RNF220: variants seen among roughly 807,000 people sequenced by gnomAD.
RNF220 encodes the protein E3 ubiquitin-protein ligase RNF220.
In RNF220, 7 loss-of-function variants were observed where a neutral mutation model predicts 67.1. That is an observed-to-expected ratio of 0.10 (90% CI 0.06 to 0.20). The LOEUF (loss-of-function observed/expected upper bound fraction) is 0.20. Ranked by LOEUF, RNF220 falls within the 10% of genes least tolerant of loss-of-function variation. The pLI is 1.00. For synonymous variants in RNF220, 270 were observed against 283.2 expected (o/e 0.95, Z 0.47); for missense variants, 565 against 740.3 (o/e 0.76, Z 2.75).
intron 2 of RNF220, among the ~76,000 whole-genome samples, chr1:44,464,981 T>G (rs1654137497): frequency 6.6e-6 from 1 of 152,250 alleles, no homozygotes; most frequent in African/African-American, 2.4e-5. Flanking sequence ...TTCATTATAC[T>G]GAGAGTGTCT....
At chr1:44,568,378 G>A (rs1466621395) in intron 2 of RNF220, among the ~76,000 whole-genome samples, 4 of 152,188 alleles carry the variant, frequency 2.6e-5, no homozygotes, top group African/African-American at 9.7e-5. Context: ...TCTGTGCACC[G>A]ATGCTTGTCT....
chr1:44,452,510 C>T (rs962759816), intron 2 of RNF220, among the ~76,000 whole-genome samples: 12 of 152,120 alleles, frequency 7.9e-5, no homozygotes, highest in African/African-American at 1.4e-4. Flanking sequence ...GCCGAGATCG[C>T]GCCACTGCAC....
At chr1:44,594,121 C>A (rs1666303991) in intron 2 of RNF220, among the ~76,000 whole-genome samples, 2 of 152,026 alleles carry the variant, frequency 1.3e-5, no homozygotes, top group African/African-American at 2.4e-5. Context: ...TCTTATAGTC[C>A]AGCTTGAATA....
At chr1:44,597,468 GCACACACACACACA>G (rs56375404) in intron 2 of RNF220, among the ~76,000 whole-genome samples, 10,185 of 135,680 alleles carry the variant, frequency 0.075, 1,097 homozygotes, top group African/African-American at 0.24. Context: ...TCTCTCTCAT[GCACACACACACACA>G]CACACACACA....
chr1:44,536,263 A>C (rs1228545755), intron 2 of RNF220, among the ~76,000 whole-genome samples: 1 of 152,208 alleles, frequency 6.6e-6, no homozygotes, highest in African/African-American at 2.4e-5. Context: ...AACTCTTTGC[A>C]AGAACGACGC....
chr1:44,543,964 C>T (rs1661902412), intron 2 of RNF220, among the ~76,000 whole-genome samples: 1 of 152,178 alleles, frequency 6.6e-6, no homozygotes, highest in African/African-American at 2.4e-5. Flanking sequence ...GGTGAGAACT[C>T]TTGCATTATG....
intron 2 of RNF220, among the ~76,000 whole-genome samples, chr1:44,447,913 C>T (rs1321629714): frequency 7.9e-5 from 12 of 152,222 alleles, no homozygotes. Context: ...CTGTACACTC[C>T]TGGTAACAGC....
At chr1:44,577,998 G>A (rs1190820448) in intron 2 of RNF220, among the ~76,000 whole-genome samples, 1 of 151,180 alleles carries the variant, frequency 6.6e-6, no homozygotes, top group Non-Finnish European at 1.5e-5. Flanking sequence ...TAGAGACAGG[G>A]CCTCACCATG....
Position 44,405,410 on chromosome 1 carries a change from G to C in RNF220, c.-238G>C. On this transcript the variant is annotated 5_prime_UTR_variant, in exon 1 of 15. Transcript: ENST00000361799. ...TGCTGCTGCTGCCGCTGCCGCCGCCGCCGCCGCCGCTGCCTCCGCCGGCTC... is the reference window on the plus strand; with the variant it reads ...TGCTGCTGCTGCCGCTGCCGCCGCCCCCGCCGCCGCTGCCTCCGCCGGCTC... 1.6e-6 allele frequency: 1 copy of C among 633,776 alleles called. No homozygotes were observed. Among genetic ancestry groups the C allele is most frequent in the South Asian group, 1.7e-5 (1 of 60,300 alleles). 39.3% of individuals were successfully genotyped at this position (633,776 alleles called of 1,614,324 possible).
intron 2 of RNF220, among the ~76,000 whole-genome samples, chr1:44,561,474 A>T (rs2915538): frequency 1.3e-5 from 2 of 152,210 alleles, no homozygotes; most frequent in African/African-American, 4.8e-5. Context: ...GCGCCACTGC[A>T]CTCCAGCCTG....
rs1383738087 is a variant in RNF220 at position 44,417,460 on chromosome 1, T to TGGCTC, written c.625+4742_625+4746dup. Among the ~76,000 whole-genome samples, 1 of 152,182 alleles carries TGGCTC rather than the reference T, an allele frequency of 6.6e-6. No homozygotes were observed. Among genetic ancestry groups the TGGCTC allele is most frequent in the Non-Finnish European group, 1.5e-5 (1 of 68,036 alleles). ...CAGAGCCATCTGGCCTGGCTTGGCT[T>TGGCTC]GGCTCGGCGCGCCGCTCGCCTGGCG... is the stretch of plus-strand genomic sequence containing the variant. On this transcript the variant is annotated intron_variant, in intron 2 of 14. Coordinates refer to ENST00000361799, the MANE Select transcript of RNF220 (RefSeq NM_018150.4). This position sits in a 1 kb window ranked among gnomAD's most constrained non-coding sequence, Gnocchi z 4.0.
chr1:44,531,313 C>G (rs270746), intron 2 of RNF220, among the ~76,000 whole-genome samples: 146,927 of 152,336 alleles, frequency 0.96, 71,086 homozygotes, highest in Middle Eastern at 1. Context: ...GTCTGCTTTT[C>G]CATGATTCCA....
At chr1:44,431,073 GT>G (rs1650316830) in intron 2 of RNF220, among the ~76,000 whole-genome samples, 1 of 152,150 alleles carries the variant, frequency 6.6e-6, no homozygotes, top group African/African-American at 2.4e-5. Context: ...GACAAAATTA[GT>G]TTTCTTTTCT....
chr1:44,649,035 AG>A lies in RNF220; in HGVS notation c.1446-625del, dbSNP rs886472279. On this transcript the variant is annotated intron_variant, in intron 12 of 14. Transcript: ENST00000361799. The surrounding 1 kb of genome is among the most constrained non-coding windows in gnomAD (Gnocchi z 5.9). The stretch of plus-strand genomic sequence containing the variant: ...AGGCGAGGGGGTGCAGAGGGATCAC[AG>A]TGCAGAGGCCAAGGCAGTGAAAAAG... 1.9e-5 allele frequency: 3 copies of A among 157,432 alleles called. No homozygotes were observed. Among genetic ancestry groups the A allele is most frequent in the African/African-American group, 7.2e-5 (3 of 41,464 alleles). 9.8% of individuals were successfully genotyped at this position (157,432 alleles called of 1,614,324 possible). A position where few individuals can be genotyped will look rare whatever the true frequency, so the allele number is the denominator to read the frequency against.
intron 1 of RNF220, among the ~76,000 whole-genome samples, chr1:44,409,935 A>G (rs1402288336): frequency 1.3e-5 from 2 of 152,230 alleles, no homozygotes; most frequent in Non-Finnish European, 2.9e-5. Context: ...CATGGAGACC[A>G]ACGCCCACGC....
chr1:44,621,192 A>G lies in RNF220; in HGVS notation c.759-1550A>G, dbSNP rs1247579248. ...CGGCCTCACAAAGTGCTGGGATTAT[A>G]GGCGTGAGCCACTGCACCGGACCAT... is the stretch of plus-strand genomic sequence containing the variant. On this transcript the variant is annotated intron_variant, in intron 3 of 14. Coordinates refer to ENST00000361799, the MANE Select transcript of RNF220 (RefSeq NM_018150.4). The surrounding 1 kb of genome is among the most constrained non-coding windows in gnomAD (Gnocchi z 4.8). Among the ~76,000 whole-genome samples, 2 of 152,172 alleles carry G rather than the reference A, an allele frequency of 1.3e-5. No homozygotes were observed. Among genetic ancestry groups the G allele is most frequent in the Non-Finnish European group, 2.9e-5 (2 of 68,028 alleles).
intron 3 of RNF220, among the ~76,000 whole-genome samples, chr1:44,617,572 C>T (rs963317815): frequency 2.6e-5 from 4 of 152,246 alleles, no homozygotes; most frequent in Non-Finnish European, 5.9e-5. Context: ...GCGGGGAGGG[C>T]CCCAGCCTTG....
At chr1:44,504,184 A>T (rs1658203887) in intron 2 of RNF220, among the ~76,000 whole-genome samples, 2 of 152,116 alleles carry the variant, frequency 1.3e-5, no homozygotes, top group Admixed American at 6.5e-5. Context: ...GATCATTCTG[A>T]TGCTCCGTAA....
chr1:44,445,342 A>G (rs1296464594), intron 2 of RNF220, among the ~76,000 whole-genome samples: 1 of 152,172 alleles, frequency 6.6e-6, no homozygotes, highest in Non-Finnish European at 1.5e-5. Context: ...CATCGTCTTC[A>G]TAGCTACCAG....
Sources: allele counts gnomAD v4.1 joint callset (sites outside exome capture counted in the v4.1 genomes callset), GRCh38; gene constraint gnomAD v4.1.1; non-coding constraint Gnocchi (gnomAD v3.1); transcripts MANE v1.5; gene names NCBI Gene and HGNC (gene_info 2026-07-23, HGNC 2026-07-21).